The following ARHGAP29 variants were observed in gnomAD, a reference collection of about 807,000 sequenced individuals.
ARHGAP29 encodes the protein Rho GTPase activating protein 29.
In ARHGAP29, 43 loss-of-function variants were observed where a neutral mutation model predicts 122.6. The observed-to-expected ratio is 0.35, with a 90% confidence interval of 0.27 to 0.45. The LOEUF (loss-of-function observed/expected upper bound fraction) is 0.45, where lower values mean the gene tolerates loss of function less well. ARHGAP29 is among the 20% of genes least tolerant of loss of function. The pLI is 1.00. For missense variants in ARHGAP29, 1,303 were observed against 1,477.2 expected, an observed-to-expected ratio of 0.88 and a Z score of 1.93; for synonymous variants, 506 against 497.1, an observed-to-expected ratio of 1.02 and a Z score of -0.24.
intron 1 of ARHGAP29, among the ~76,000 whole-genome samples, chr1:94,235,624 G>A (rs1197867545): frequency 6.6e-6 from 1 of 152,198 alleles, no homozygotes; most frequent in Non-Finnish European, 1.5e-5. Flanking sequence ...GCTTCCAAGT[G>A]AAATTTGAAC....
At chr1:94,199,780 G>A (rs183634961) in intron 12 of ARHGAP29, among the ~76,000 whole-genome samples, 1 of 152,182 alleles carries the variant, frequency 6.6e-6, no homozygotes, top group African/African-American at 2.4e-5. Flanking sequence ...CCCTACTTAC[G>A]CTTGCCAAAC....
intron 1 of ARHGAP29, among the ~76,000 whole-genome samples, chr1:94,244,034 A>G (rs1653700659): frequency 6.6e-6 from 1 of 151,992 alleles, no homozygotes; most frequent in Non-Finnish European, 1.5e-5. Context: ...CATTATTTAA[A>G]ATTTCCCACA....
the ARHGAP29 span, among the ~76,000 whole-genome samples, chr1:94,304,422 G>A: frequency 2.0e-5 from 3 of 152,098 alleles, no homozygotes; most frequent in Admixed American, 6.5e-5. Flanking sequence ...TAACAGGCGC[G>A]AGCCACCACA....
At chr1:94,269,852 TAAGTA>T (rs1448793198) in intron 1 of ARHGAP29, among the ~76,000 whole-genome samples, 2 of 152,114 alleles carry the variant, frequency 1.3e-5, no homozygotes, top group Admixed American at 1.3e-4. Flanking sequence ...CATGAGCTTA[TAAGTA>T]GAGTCCTGGT....
At chr1:94,193,275 G>GA (rs559687094) in intron 12 of ARHGAP29, 106 of 150,574 alleles carry the variant, frequency 7.0e-4, no homozygotes, top group African/African-American at 2.5e-3. Context: ...AAGCTTTGGG[G>GA]AAAAAACAGA....
At chr1:94,244,192 C>A (rs1653705319) in intron 1 of ARHGAP29, among the ~76,000 whole-genome samples, 1 of 148,550 alleles carries the variant, frequency 6.7e-6, no homozygotes, top group Non-Finnish European at 1.5e-5. Flanking sequence ...CAAAACCAGA[C>A]AAAGACATTA....
At position 94,174,207 on chromosome 1, in the gene ARHGAP29, C is replaced by A. The variant is rs149136237; in HGVS notation, c.3448G>T (p.Ala1150Ser). 1.9e-6 allele frequency: 3 copies of A among 1,613,968 alleles called. No individual in the cohort carries two copies. Among genetic ancestry groups the A allele is most frequent in the Non-Finnish European group, 2.5e-6 (3 of 1,180,012 alleles). ...ERRSSDSYPL[A>S]PVRAPRTLQP... ...AGTGTTCTGGGTGCTCTGACAGGAG[C>A]GAGAGGGTAGGAATCTGAAGACCGT... The change falls in exon 23 of 23, where the codon GCT becomes TCT. Residue 1150 changes from alanine (A) to serine (S), a missense_variant. Around this residue, in one of 3 missense-constraint regions of ARHGAP29, gnomAD observed 620 missense variants for 651.2 expected, o/e 0.95. Transcript: ENST00000260526.
At chr1:94,197,280 C>T (rs1650536434) in intron 12 of ARHGAP29, among the ~76,000 whole-genome samples, 1 of 151,946 alleles carries the variant, frequency 6.6e-6, no homozygotes, top group Admixed American at 6.6e-5. Flanking sequence ...GGACCAATTC[C>T]ATGAAAGCCA....
chr1:94,225,735 T>C (rs1248879887), intron 2 of ARHGAP29, among the ~76,000 whole-genome samples: 3 of 152,076 alleles, frequency 2.0e-5, no homozygotes, highest in Admixed American at 2.0e-4. Context: ...TTAAATACCA[T>C]AGTGGCCATA....
At chr1:94,222,322 A>G (rs1652350349) in intron 2 of ARHGAP29, among the ~76,000 whole-genome samples, 1 of 152,232 alleles carries the variant, frequency 6.6e-6, no homozygotes, top group Non-Finnish European at 1.5e-5. Context: ...GTAGTATGGA[A>G]AGGAGGACAA....
At chr1:94,309,540 T>A in the ARHGAP29 span, among the ~76,000 whole-genome samples, 3 of 152,220 alleles carry the variant, frequency 2.0e-5, no homozygotes, top group African/African-American at 7.2e-5. Flanking sequence ...ATGATTTTTT[T>A]ATTGTGAACA....
chr1:94,226,262 T>C (rs560632065), intron 2 of ARHGAP29, among the ~76,000 whole-genome samples: 2 of 152,100 alleles, frequency 1.3e-5, no homozygotes, highest in South Asian at 2.1e-4. Flanking sequence ...AAGTGAAGCC[T>C]GAGAAACAGC....
At chr1:94,287,951 C>T in the ARHGAP29 span, among the ~76,000 whole-genome samples, 8 of 152,036 alleles carry the variant, frequency 5.3e-5, no homozygotes, top group Non-Finnish European at 8.8e-5. Flanking sequence ...TGAATAGTCC[C>T]GCAATAAACA....
At chr1:94,192,647 A>G (rs191107369) in intron 12 of ARHGAP29, 1 of 152,360 alleles carries the variant, frequency 6.6e-6, no homozygotes, top group African/African-American at 2.4e-5. Flanking sequence ...ACTGTAGTCT[A>G]GAGTGAGAGG....
Position 94,204,988 on chromosome 1 carries a change from T to C in ARHGAP29, c.697+73A>G, listed in dbSNP as rs554938467. 1.7e-5 allele frequency: 23 copies of C among 1,373,042 alleles called. No homozygotes were observed. The African/African-American group carries it at 3.0e-4, about 18-fold the overall frequency. The allele number at this position is 1,373,042 out of a possible 1,614,324, so 85.1% of individuals were successfully genotyped here. A position where few individuals can be genotyped will look rare whatever the true frequency, so the allele number is the denominator to read the frequency against. On this transcript the variant is annotated intron_variant, in intron 7 of 22. Coordinates refer to ENST00000260526, the MANE Select transcript of ARHGAP29 (RefSeq NM_004815.4). ...TACTAATTTGGAATTCTATTACTCATAATCTGTAAAAAATGAGTTAGAAAC... is the reference window on the plus strand; with the variant it reads ...TACTAATTTGGAATTCTATTACTCACAATCTGTAAAAAATGAGTTAGAAAC...
rs374087471 is a variant in ARHGAP29, at chr1:94,174,573, C to G, written c.3082G>C (p.Ala1028Pro). The change falls in exon 23 of 23, where the codon GCA becomes CCA. Residue 1028 changes from alanine to proline, a missense_variant. Around this residue, in one of 3 missense-constraint regions of ARHGAP29, gnomAD observed 620 missense variants for 651.2 expected, o/e 0.95. Transcript: ENST00000260526. ...CCATTTCTCTCATTAGGAGGACTTG[C>G]AAGAAGTAGTCTATCTACAGGCAAA... The part of the protein sequence containing the change: ...VSLPVDRLLL[A>P]SPPNERNGRN... 1,704 of 1,614,162 alleles carry G rather than the reference C, an allele frequency of 1.1e-3. 32 individuals are homozygous for G. In the South Asian group the frequency reaches 0.018, roughly 17 times the overall value.
rs750649810 is a variant in ARHGAP29, at chr1:94,169,592, A to G, written c.*4277T>C. 6.6e-6 allele frequency among the ~76,000 whole-genome samples: 1 copy of G among 152,158 alleles called. No homozygotes were observed. The highest frequency in any genetic ancestry group is 6.5e-5 in the Admixed American group (1 of 15,284). ...AAGTTTTCAATACGTATGTATATAA[A>G]TAGATATAGAAGTAGGTGACTATTC... is the stretch of plus-strand genomic sequence containing the variant. On this transcript the variant is annotated 3_prime_UTR_variant, in exon 23 of 23. Coordinates refer to ENST00000260526, the MANE Select transcript of ARHGAP29 (RefSeq NM_004815.4).
intron 19 of ARHGAP29, 26 bp from the exon 20 acceptor site, chr1:94,179,983 T>G: frequency 6.7e-7 from 1 of 1,499,732 alleles, no homozygotes; most frequent in East Asian, 2.3e-5. Context: ...TACATTGGGG[T>G]AAGCATTCTA....
intron 22 of ARHGAP29, among the ~76,000 whole-genome samples, chr1:94,175,439 C>T (rs1448389670): frequency 1.3e-5 from 2 of 152,198 alleles, no homozygotes; most frequent in Non-Finnish European, 2.9e-5. Context: ...TTCCAGCCCT[C>T]CATTCTCCTG....
Sources: gnomAD v4.1 joint callset for allele counts (sites outside exome capture counted in the v4.1 genomes callset) on GRCh38, gnomAD v4.1.1 for gene constraint, gnomAD v4.1.1 regional missense constraint, MANE v1.5 for transcripts, NCBI Gene and HGNC (gene_info 2026-07-23, HGNC 2026-07-21) for gene names.